Variants in ADGRF5 observed in about 807,000 individuals in gnomAD.
ADGRF5 encodes the protein G-protein coupled receptor 116.
A neutral mutation model predicts 132.3 loss-of-function variants in ADGRF5; 75 were observed. The observed-to-expected ratio is 0.57, with a 90% confidence interval of 0.47 to 0.69. ADGRF5 has a LOEUF of 0.69. Among genes scored for constraint, ADGRF5 ranks in the 30% least tolerant of loss-of-function variants. The pLI is 0.00. For synonymous variants in ADGRF5, 629 were observed against 597.6 expected, an observed-to-expected ratio of 1.05 and a Z score of -0.77; for missense variants, 1,516 against 1,630.6, an observed-to-expected ratio of 0.93 and a Z score of 1.21.
chr6:46,880,121 G>T, intron 8 of ADGRF5, 82 bp from the exon 9 acceptor site: 1 of 922,426 alleles, frequency 1.1e-6, no homozygotes. Context: ...ACCACCACAA[G>T]GCTCTTGGAG....
chr6:46,946,620 TA>T (rs1778311566), intron 1 of ADGRF5, among the ~76,000 whole-genome samples: 1 of 152,072 alleles, frequency 6.6e-6, no homozygotes, highest in Non-Finnish European at 1.5e-5. Flanking sequence ...CTAGTGAGGC[TA>T]TGGGAATAAA....
In ADGRF5 at chr6:46,906,671, A is replaced by C. The variant is rs1775410171; in HGVS notation, c.92T>G (p.Ile31Ser). Residue 31 changes from isoleucine (I) to serine (S), a missense_variant, in exon 2 of 21, where the codon ATT (isoleucine) becomes AGT (serine). Physicochemically the swap from Ile to Ser is moderately radical, Grantham distance 142. This residue lies in a region of ADGRF5 where 945 missense variants were observed against 929.4 expected (regional missense o/e 1.02). Coordinates refer to ENST00000283296, the MANE Select transcript of ADGRF5 (RefSeq NM_001098518.2). ...AALNWNYEST[I>S]HPLSLHEHEP... ...ATGGATATAACTCACCAAAGGATGA[A>C]TAGTAGACTCGTAATTCCAGTTCAG... 1 of 1,525,788 alleles carries C rather than the reference A, an allele frequency of 6.6e-7. No homozygotes were observed. The highest frequency in any genetic ancestry group is 9.1e-7 in the Non-Finnish European group (1 of 1,099,808). The allele number at this position is 1,525,788 out of a possible 1,614,324, so 94.5% of individuals were successfully genotyped here.
chr6:46,899,671 TG>T lies in ADGRF5; in HGVS notation c.157+357del, dbSNP rs1158934897. ...AGTAAAAGAAGTTTTTTTTTTTGTT[TG>T]TTTTGTTTTTTTTTTTAAAGCAAAA... On this transcript the variant is annotated intron_variant, in intron 3 of 20. Transcript: ENST00000283296. Among the ~76,000 whole-genome samples the T allele has an allele frequency of 2.7e-3, 410 of 150,740 alleles. 4 individuals carry two copies. The highest frequency in any genetic ancestry group is 0.024 in the Middle Eastern group (7 of 294).
At chr6:46,894,232 G>A (rs895987118) in intron 3 of ADGRF5, among the ~76,000 whole-genome samples, 2 of 152,166 alleles carry the variant, frequency 1.3e-5, no homozygotes, top group Non-Finnish European at 2.9e-5. Flanking sequence ...TCTAGAAGGT[G>A]GCAATTTGGC....
chr6:46,930,961 G>A (rs1016262190), intron 1 of ADGRF5, among the ~76,000 whole-genome samples: 1 of 152,134 alleles, frequency 6.6e-6, no homozygotes, highest in Admixed American at 6.5e-5. Context: ...GGCTGAGGTG[G>A]GAGGATCACT....
In ADGRF5 at chr6:46,903,636, A is replaced by G. The variant is rs549797035; in HGVS notation, c.102+3025T>C. 4 of 151,676 alleles carry G rather than the reference A, an allele frequency of 2.6e-5. No homozygotes were observed. The South Asian group carries it at 6.2e-4, about 24-fold the overall frequency. 9.4% of individuals were successfully genotyped at this position (151,676 alleles called of 1,614,324 possible). On this transcript the variant is annotated intron_variant, in intron 2 of 20. Transcript: ENST00000283296. Reference sequence around the variant, plus strand: ...ACCCTACTCACCCGAGCCCTGCCACACATGCCTCTTTTTCTTGACCTGAAA... The same window carrying G: ...ACCCTACTCACCCGAGCCCTGCCACGCATGCCTCTTTTTCTTGACCTGAAA...
intron 1 of ADGRF5, among the ~76,000 whole-genome samples, chr6:46,921,238 C>G (rs1017034370): frequency 6.6e-6 from 1 of 152,118 alleles, no homozygotes; most frequent in Non-Finnish European, 1.5e-5. Flanking sequence ...GAAGGACTCT[C>G]CCGAAGCTGA....
At chr6:46,897,556 C>T (rs546035758) in intron 3 of ADGRF5, among the ~76,000 whole-genome samples, 10 of 152,274 alleles carry the variant, frequency 6.6e-5, no homozygotes, top group African/African-American at 2.4e-4. Context: ...TTCCTTTCAT[C>T]ATTTTCCTGG....
chr6:46,858,359 T>C lies in ADGRF5; in HGVS notation c.3544A>G (p.Ile1182Val), dbSNP rs766838980. ...GTGATGGTTATGTTCACCACCACAATGATCAGTGCTGGGATGGCGAAAGCC... is the reference window on the plus strand; with the variant it reads ...GTGATGGTTATGTTCACCACCACAACGATCAGTGCTGGGATGGCGAAAGCC... ...LLAFAIPALI[I>V]VVVNITITIV... Residue 1182 changes from isoleucine to valine, a missense_variant, in exon 17 of 21, where the codon ATT becomes GTT. This residue lies in a region of ADGRF5 where 571 missense variants were observed against 701.2 expected (regional missense o/e 0.81). Transcript: ENST00000283296. 4 of 1,613,932 alleles carry C rather than the reference T, an allele frequency of 2.5e-6. No homozygotes were observed. The highest frequency in any genetic ancestry group is 3.4e-6 in the Non-Finnish European group (4 of 1,179,880).
chr6:46,898,455 A>G (rs1030250604), intron 3 of ADGRF5, among the ~76,000 whole-genome samples: 1 of 152,166 alleles, frequency 6.6e-6, no homozygotes, highest in Non-Finnish European at 1.5e-5. Flanking sequence ...AGAGCACAGA[A>G]CGTATATACT....
chr6:46,867,269 ACTGGAGG>A, intron 12 of ADGRF5, 132 bp from the exon 13 acceptor site: 1 of 603,552 alleles, frequency 1.7e-6, no homozygotes, highest in Non-Finnish European at 3.0e-6. Flanking sequence ...CTTCCTGGAC[ACTGGAGG>A]AAAAAATGCT....
intron 4 of ADGRF5, chr6:46,886,703 T>C (rs1773102178): frequency 6.6e-6 from 1 of 152,246 alleles, no homozygotes; most frequent in Non-Finnish European, 1.5e-5. Flanking sequence ...AAAAGGAAGA[T>C]GGTGAAAGTT....
At chr6:46,905,151 T>C (rs1420415756) in intron 2 of ADGRF5, 5 of 152,234 alleles carry the variant, frequency 3.3e-5, no homozygotes, top group Non-Finnish European at 1.5e-5. Flanking sequence ...ATTGCTGAGA[T>C]CACCTCAGGC....
At chr6:46,892,783 A>G (rs4714957) in intron 3 of ADGRF5, among the ~76,000 whole-genome samples, 42,273 of 152,014 alleles carry the variant, frequency 0.28, 6,047 homozygotes, top group Non-Finnish European at 0.29. Flanking sequence ...CATTCAGGAA[A>G]AATGCATTGT....
chr6:46,882,620 C>T (rs905973807), intron 6 of ADGRF5, among the ~76,000 whole-genome samples: 1 of 152,210 alleles, frequency 6.6e-6, no homozygotes. Context: ...GGGGCACCCT[C>T]ATGGCTGCCA....
At chr6:46,919,363 G>A (rs758872686) in intron 1 of ADGRF5, among the ~76,000 whole-genome samples, 1 of 152,204 alleles carries the variant, frequency 6.6e-6, no homozygotes, top group African/African-American at 2.4e-5. Flanking sequence ...TCCATTAGAT[G>A]AGAATAAGTT....
intron 1 of ADGRF5, among the ~76,000 whole-genome samples, chr6:46,954,513 G>A (rs1778649959): frequency 6.6e-6 from 1 of 151,586 alleles, no homozygotes; most frequent in Non-Finnish European, 1.5e-5. Context: ...CTATATACTG[G>A]CTGGCATTCT....
intron 1 of ADGRF5, among the ~76,000 whole-genome samples, chr6:46,913,793 GCAGTAGGTGATGTTATA>G (rs1776194230): frequency 1.3e-5 from 2 of 152,158 alleles, no homozygotes; most frequent in Admixed American, 6.5e-5. Context: ...TCACGTCCAC[GCAGTAGGTGATGTTATA>G]CGCATAGCTT....
intron 16 of ADGRF5, 50 bp downstream of exon 16, chr6:46,860,665 G>T: frequency 7.6e-7 from 1 of 1,314,110 alleles, no homozygotes; most frequent in Non-Finnish European, 1.1e-6. Context: ...CAAATTCTGA[G>T]GGGTGAAAAG....
Sources: gnomAD v4.1 joint callset for allele counts (sites outside exome capture counted in the v4.1 genomes callset) on GRCh38, gnomAD v4.1.1 for gene constraint, gnomAD v4.1.1 regional missense constraint, MANE v1.5 for transcripts, NCBI Gene and HGNC (gene_info 2026-07-23, HGNC 2026-07-21) for gene names.